PPP2R1A: variants seen among roughly 807,000 people sequenced by gnomAD.
PPP2R1A encodes serine/threonine-protein phosphatase 2A 65 kDa regulatory subunit A alpha isoform.
PPP2R1A carries 15 observed loss-of-function variants against 67.1 expected under a neutral mutation model. The observed-to-expected ratio is 0.22, with a 90% CI of 0.15 to 0.34. The LOEUF is 0.34. PPP2R1A is among the 10% of genes least tolerant of loss of function. The pLI, the probability that PPP2R1A is intolerant of heterozygous loss-of-function variation, is 1.00. For synonymous variants in PPP2R1A, 337 were observed against 325.0 expected (o/e 1.04, Z -0.40); for missense variants, 369 against 775.0 (o/e 0.48, Z 6.22).
In PPP2R1A at chr19:52,205,951, T is replaced by A; in HGVS notation, c.170-12T>A. The A allele has an allele frequency of 4.3e-6, 7 of 1,610,094 alleles. No homozygotes were observed. The highest frequency in any genetic ancestry group is 6.0e-6 in the Non-Finnish European group (7 of 1,176,462). The stretch of plus-strand genomic sequence containing the variant: ...AGATGGGATAGTCACGAAGTCTGTC[T>A]TGGTTCCACAGATACCATCTATGAT... On this transcript the variant is annotated splice_polypyrimidine_tract_variant and intron_variant, in intron 2 of 14. Coordinates refer to ENST00000322088, the MANE Select transcript of PPP2R1A (RefSeq NM_014225.6).
Position 52,212,382 on chromosome 19 carries a change from G to T in PPP2R1A, c.504-304G>T. The T allele has an allele frequency of 2.7e-6, 1 of 376,664 alleles. No individual in the cohort carries two copies. Among genetic ancestry groups the T allele is most frequent in the Admixed American group, 4.5e-5 (1 of 22,078 alleles). The allele number at this position is 376,664 out of a possible 1,614,324, so 23.3% of individuals were successfully genotyped here. Reference sequence around the variant, plus strand: ...TTACAGGTATGAGCCACTGTGCCTGGCTCGTTGGTTAAGCAATTTTTATGG... The same window carrying T: ...TTACAGGTATGAGCCACTGTGCCTGTCTCGTTGGTTAAGCAATTTTTATGG... On this transcript the variant is annotated intron_variant, in intron 4 of 14. Transcript: ENST00000322088. This position sits in a 1 kb window ranked among gnomAD's most constrained non-coding sequence, Gnocchi z 4.1.
rs1021097707 is a variant in PPP2R1A at position 52,229,380 on chromosome 19, G to A, written c.*3399G>A. The A allele has an allele frequency of 2.0e-5, 3 of 152,268 alleles. No individual in the cohort carries two copies. The highest frequency in any genetic ancestry group is 7.2e-5 in the African/African-American group (3 of 41,444). The allele number at this position is 152,268 out of a possible 1,614,324, so 9.4% of individuals were successfully genotyped here. The stretch of plus-strand genomic sequence containing the variant: ...GGATTGCTTGAACCTGGGAGGCAGA[G>A]GTTGCAGTGAGCCTAGATTGGGCCA... On this transcript the variant is annotated 3_prime_UTR_variant, in exon 15 of 15. Transcript: ENST00000322088.
rs993045740 is a variant in PPP2R1A, at chr19:52,211,914, A to G, written c.503+422A>G. Among the ~76,000 whole-genome samples, 1 of 152,144 alleles carries G rather than the reference A, an allele frequency of 6.6e-6. No homozygotes were observed. Among genetic ancestry groups the G allele is most frequent in the Admixed American group, 6.5e-5 (1 of 15,280 alleles). ...AGCCTCCTGCTCGTCTACTTTGCAA[A>G]CGATTGACCGTCAAGCCCGGGTTTG... On this transcript the variant is annotated intron_variant, in intron 4 of 14. Coordinates refer to ENST00000322088, the MANE Select transcript of PPP2R1A (RefSeq NM_014225.6). This position sits in a 1 kb window ranked among gnomAD's most constrained non-coding sequence, Gnocchi z 5.3.
chr19:52,211,361 G>A lies in PPP2R1A; in HGVS notation c.372G>A (p.Leu124=). 6.2e-7 allele frequency: 1 copy of A among 1,614,198 alleles called. No homozygotes were observed. Among genetic ancestry groups the A allele is most frequent in the Non-Finnish European group, 8.5e-7 (1 of 1,180,002 alleles). ...CACACGAGCACTCGCCCTCTGACCTGGAGGCGCACTTTGTGCCGCTAGTGA... is the reference window on the plus strand; with the variant it reads ...CACACGAGCACTCGCCCTCTGACCTAGAGGCGCACTTTGTGCCGCTAGTGA... ...AISHEHSPSD[L]EAHFVPLVKR... is the part of the protein sequence containing the mutation. Residue 124 remains leucine, a synonymous_variant, in exon 4 of 15, where the codon CTG becomes CTA. Transcript: ENST00000322088. This position sits in a 1 kb window ranked among gnomAD's most constrained non-coding sequence, Gnocchi z 5.3.
At position 52,213,461 on chromosome 19, in the gene PPP2R1A, T is replaced by TG. The variant is rs2089695179; in HGVS notation, c.807+351_807+352insG. ...AAAAAGGTGGGGTTTTTTGGTGTTT[T>TG]TTTTTTTTTTTTTTTTTTTTTTTTT... On this transcript the variant is annotated intron_variant, in intron 6 of 14. Transcript: ENST00000322088. This position sits in a 1 kb window ranked among gnomAD's most constrained non-coding sequence, Gnocchi z 4.2. Among the ~76,000 whole-genome samples, 2 of 91,766 alleles carry TG rather than the reference T, an allele frequency of 2.2e-5. No individual in the cohort carries two copies. Among genetic ancestry groups the TG allele is most frequent in the Non-Finnish European group, 2.2e-5 (1 of 45,880 alleles). The allele number at this position is 91,766 out of a possible 152,430, so 60.2% of individuals were successfully genotyped here. A position where few individuals can be genotyped will look rare whatever the true frequency, so the allele number is the denominator to read the frequency against.
intron 1 of PPP2R1A, among the ~76,000 whole-genome samples, chr19:52,199,697 A>G (rs1160888138): frequency 6.6e-6 from 1 of 152,222 alleles, no homozygotes; most frequent in African/African-American, 2.4e-5. Flanking sequence ...AGCTGAAAAT[A>G]ATTACTGTCT....
At position 52,216,704 on chromosome 19, in the gene PPP2R1A, A is replaced by C. The variant is rs1978593725; in HGVS notation, c.1128+41A>C. On this transcript the variant is annotated intron_variant, in intron 9 of 14. Transcript: ENST00000322088. This position sits in a 1 kb window ranked among gnomAD's most constrained non-coding sequence, Gnocchi z 4.3. ...TCTCAGCTCTGGGTTTGTGGAGGGG[A>C]CAGGCGGGTCTTCCTAGATTGCTAG... 6.2e-7 allele frequency: 1 copy of C among 1,613,736 alleles called. No homozygotes were observed. Among genetic ancestry groups the C allele is most frequent in the African/African-American group, 1.3e-5 (1 of 74,976 alleles).
intron 13 of PPP2R1A, 71 bp from the exon 14 acceptor site, chr19:52,225,646 C>A: frequency 7.1e-7 from 1 of 1,410,796 alleles, no homozygotes; most frequent in Non-Finnish European, 1.0e-6. Flanking sequence ...TGCCCAAGAG[C>A]CCTGTGCCCA....
chr19:52,220,961 A>C lies in PPP2R1A; in HGVS notation c.1364-18A>C, dbSNP rs1338288718. 6.2e-7 allele frequency: 1 copy of C among 1,613,698 alleles called. No homozygotes were observed. On this transcript the variant is annotated intron_variant, in intron 11 of 14. Transcript: ENST00000322088. ...TCACCTCCAAATCCCTGTCTCTCTC[A>C]CCCTCACCCTTCTGCAGTATATGCC... is the stretch of plus-strand genomic sequence containing the variant.
At chr19:52,190,399 G>C (rs964660797) in intron 1 of PPP2R1A, 2 of 597,474 alleles carry the variant, frequency 3.3e-6, no homozygotes, top group Non-Finnish European at 6.0e-6. Flanking sequence ...CGAGGGTCCC[G>C]GGCCTGCCCT....
intron 1 of PPP2R1A, 121 bp from the exon 2 acceptor site, chr19:52,201,823 T>G: frequency 6.1e-6 from 5 of 822,736 alleles, no homozygotes; most frequent in Non-Finnish European, 9.8e-6. Flanking sequence ...AAATTACTCT[T>G]GAGCATCTTC....
chr19:52,212,783 G>C lies in PPP2R1A; in HGVS notation c.601G>C (p.Val201Leu), dbSNP rs749905469. The C allele has an allele frequency of 6.2e-7, 1 of 1,613,332 alleles. No homozygotes were observed. Among genetic ancestry groups the C allele is most frequent in the Non-Finnish European group, 8.5e-7 (1 of 1,179,704 alleles). The change falls in exon 5 of 15, where the codon GTC becomes CTC. Residue 201 changes from valine (V) to leucine (L), a missense_variant. By Grantham distance (32) the Val-to-Leu change is conservative. Coordinates refer to ENST00000322088, the MANE Select transcript of PPP2R1A (RefSeq NM_014225.6). This position sits in a 1 kb window ranked among gnomAD's most constrained non-coding sequence, Gnocchi z 4.1. Reference sequence around the variant, plus strand: ...TGCCAAGGTGCTGGAGCTGGACAACGTCAAGAGTGAGATCATCCCCATGTT... The same window carrying C: ...TGCCAAGGTGCTGGAGCTGGACAACCTCAAGAGTGAGATCATCCCCATGTT... ...EFAKVLELDN[V>L]KSEIIPMFSN...
At position 52,222,094 on chromosome 19, in the gene PPP2R1A, C is replaced by T; in HGVS notation, c.1519-5C>T. On this transcript the variant is annotated splice_polypyrimidine_tract_variant and splice_region_variant and intron_variant, in intron 12 of 14. Transcript: ENST00000322088. ...TACTCACCCCTGCCACTCACTGGCCCCCAGGTGCTGTCTGAGGTCTGTGGG... is the reference window on the plus strand; with the variant it reads ...TACTCACCCCTGCCACTCACTGGCCTCCAGGTGCTGTCTGAGGTCTGTGGG... 6.2e-7 allele frequency: 1 copy of T among 1,607,110 alleles called. No individual in the cohort carries two copies. The highest frequency in any genetic ancestry group is 8.5e-7 in the Non-Finnish European group (1 of 1,176,740).
At position 52,225,367 on chromosome 19, in the gene PPP2R1A, T is replaced by C. The variant is rs112849347; in HGVS notation, c.1662-350T>C. Among the ~76,000 whole-genome samples the C allele has an allele frequency of 6.1e-3, 934 of 152,180 alleles. 10 individuals are homozygous for C. The highest frequency in any genetic ancestry group is 0.021 in the African/African-American group (874 of 41,504). On this transcript the variant is annotated intron_variant, in intron 13 of 14. Transcript: ENST00000322088. ...TCATAATTTTATATATTTATGGGGGTATAGTAGTGTTTCAATAATGTGTGC... is the reference window on the plus strand; with the variant it reads ...TCATAATTTTATATATTTATGGGGGCATAGTAGTGTTTCAATAATGTGTGC...
intron 1 of PPP2R1A, among the ~76,000 whole-genome samples, chr19:52,199,910 A>G (rs1229688168): frequency 6.6e-6 from 1 of 152,256 alleles, no homozygotes; most frequent in Non-Finnish European, 1.5e-5. Context: ...GTTTAATGCC[A>G]GAATGGTGAG....
chr19:52,221,787 A>G (rs1199804491), intron 12 of PPP2R1A, among the ~76,000 whole-genome samples: 1 of 152,222 alleles, frequency 6.6e-6, no homozygotes, highest in African/African-American at 2.4e-5. Context: ...AAAAATAAAT[A>G]TAACTAAGTG....
At chr19:52,190,382 CT>C in intron 1 of PPP2R1A, 1 of 637,552 alleles carries the variant, frequency 1.6e-6, no homozygotes, top group East Asian at 2.8e-5. Flanking sequence ...GGGGCCAGCG[CT>C]AGCCTCGAGG....
Position 52,212,481 on chromosome 19 carries a change from T to C in PPP2R1A, c.504-205T>C. 3.3e-6 allele frequency: 2 copies of C among 600,454 alleles called. No homozygotes were observed. The highest frequency in any genetic ancestry group is 4.1e-5 in the South Asian group (2 of 49,186). 37.2% of individuals were successfully genotyped at this position (600,454 alleles called of 1,614,324 possible). ...AATCTGCGAAGTGTCTCACACACAC[T>C]ATTTTCATTTAAACCTCATGCGGAC... On this transcript the variant is annotated intron_variant, in intron 4 of 14. Coordinates refer to ENST00000322088, the MANE Select transcript of PPP2R1A (RefSeq NM_014225.6). The surrounding 1 kb of genome is among the most constrained non-coding windows in gnomAD (Gnocchi z 4.1).
chr19:52,220,139 T>C (rs1600172336), intron 10 of PPP2R1A, 50 bp from the exon 11 acceptor site: 3 of 1,582,266 alleles, frequency 1.9e-6, no homozygotes, highest in Non-Finnish European at 2.6e-6. Flanking sequence ...CAGCTCCCCC[T>C]GTTTGCTCTC....
Sources: gnomAD v4.1 joint callset for allele counts (sites outside exome capture counted in the v4.1 genomes callset) on GRCh38, gnomAD v4.1.1 for gene constraint, Gnocchi (gnomAD v3.1) non-coding constraint, MANE v1.5 for transcripts, NCBI Gene and HGNC (gene_info 2026-07-23, HGNC 2026-07-21) for gene names.